The following FHIP1A variants were observed in gnomAD, a reference collection of about 807,000 sequenced individuals.
FHIP1A encodes the protein FHF complex subunit HOOK-interacting protein 1A.
A neutral mutation model predicts 88.6 loss-of-function variants in FHIP1A; 61 were observed. The ratio of observed to expected loss-of-function variants is 0.69; its 90% CI spans 0.56 to 0.85. The LOEUF (loss-of-function observed/expected upper bound fraction) is 0.85, where lower values mean the gene tolerates loss of function less well. Among genes scored for constraint, FHIP1A ranks in the 40% least tolerant of loss-of-function variants. The pLI, the probability that FHIP1A is intolerant of heterozygous loss-of-function variation, is 0.00. For missense variants in FHIP1A, 1,154 were observed against 1,273.5 expected (o/e 0.91, Z 1.43); for synonymous variants, 478 against 496.0 (o/e 0.96, Z 0.48).
At chr4:151,469,852 A>C (rs1026993215) in intron 2 of FHIP1A, among the ~76,000 whole-genome samples, 1 of 152,170 alleles carries the variant, frequency 6.6e-6, no homozygotes, top group Non-Finnish European at 1.5e-5. Flanking sequence ...GGGTCAGGAG[A>C]CGGCAAATCA....
chr4:151,616,238 G>A (rs553329600), intron 7 of FHIP1A, among the ~76,000 whole-genome samples: 1 of 152,136 alleles, frequency 6.6e-6, no homozygotes, highest in Non-Finnish European at 1.5e-5. Flanking sequence ...TCTGAGTTGT[G>A]ACAAGTTGAG....
intron 4 of FHIP1A, among the ~76,000 whole-genome samples, chr4:151,566,679 C>G (rs1259259023): frequency 1.3e-5 from 2 of 151,440 alleles, no homozygotes; most frequent in African/African-American, 4.8e-5. Context: ...ATTATATCCT[C>G]TCTCTCTCTC....
intron 7 of FHIP1A, among the ~76,000 whole-genome samples, chr4:151,615,327 G>T (rs1307304154): frequency 1.3e-5 from 2 of 151,546 alleles, no homozygotes; most frequent in Non-Finnish European, 2.9e-5. Flanking sequence ...CACTTACTGT[G>T]TGCTTCTAGG....
chr4:151,495,867 C>A (rs1176729995), intron 3 of FHIP1A, among the ~76,000 whole-genome samples: 1 of 152,070 alleles, frequency 6.6e-6, no homozygotes, highest in Non-Finnish European at 1.5e-5. Context: ...AGATGATCCT[C>A]CCGCATTGGC....
rs1737647785 is a variant in FHIP1A, at chr4:151,665,913, A to G, written c.*3159A>G. ...GCTGTGCTCCTTGCTGGAAGAATGTAGGGGAAGAGAAACCGTGGGTACCGC... is the reference window on the plus strand; with the variant it reads ...GCTGTGCTCCTTGCTGGAAGAATGTGGGGGAAGAGAAACCGTGGGTACCGC... On this transcript the variant is annotated 3_prime_UTR_variant, in exon 14 of 14. Transcript: ENST00000435205. Among the ~76,000 whole-genome samples, 1 of 152,226 alleles carries G rather than the reference A, an allele frequency of 6.6e-6. No individual in the cohort carries two copies. The highest frequency in any genetic ancestry group is 1.5e-5 in the Non-Finnish European group (1 of 68,036).
intron 7 of FHIP1A, among the ~76,000 whole-genome samples, chr4:151,606,208 G>GT (rs1735068211): frequency 6.6e-6 from 1 of 152,116 alleles, no homozygotes; most frequent in Non-Finnish European, 1.5e-5. Flanking sequence ...TAGGAGAAGG[G>GT]TAGACACAAG....
Position 151,650,292 on chromosome 4 carries a change from C to T in FHIP1A, c.2251C>T (p.Leu751Phe). The T allele has an allele frequency of 1.3e-6, 2 of 1,551,710 alleles. No homozygotes were observed. The highest frequency in any genetic ancestry group is 2.4e-5 in the East Asian group (1 of 40,912). The change falls in exon 11 of 14, where the codon CTC becomes TTC. Residue 751 changes from leucine (L) to phenylalanine (F), a missense_variant. By Grantham distance (22) the Leu-to-Phe change is conservative. Coordinates refer to ENST00000435205, the MANE Select transcript of FHIP1A (RefSeq NM_001109977.3). Reference protein sequence around the residue: ...LTAAHPESEELIAQYDQIIKE... With the variant: ...LTAAHPESEEFIAQYDQIIKE... ...AGCCGCCCACCCGGAGAGCGAGGAG[C>T]TCATTGCCCAGTATGACCAAATCAT... is the stretch of plus-strand genomic sequence containing the variant.
intron 2 of FHIP1A, among the ~76,000 whole-genome samples, chr4:151,466,094 C>A (rs1252166919): frequency 1.3e-5 from 2 of 152,102 alleles, no homozygotes; most frequent in African/African-American, 2.4e-5. Flanking sequence ...ATCGTCTCAG[C>A]CCAAAAACTC....
chr4:151,593,118 C>T (rs1025594048), intron 7 of FHIP1A, among the ~76,000 whole-genome samples: 15 of 152,110 alleles, frequency 9.9e-5, no homozygotes, highest in African/African-American at 3.4e-4. Context: ...TTCCGCTGGT[C>T]TATATATCTG....
intron 2 of FHIP1A, among the ~76,000 whole-genome samples, chr4:151,469,461 A>G (rs1473228598): frequency 2.2e-4 from 33 of 152,266 alleles, no homozygotes; most frequent in Non-Finnish European, 7.4e-5. Flanking sequence ...TATTAGCCCT[A>G]TTTTTACAGG....
intron 7 of FHIP1A, among the ~76,000 whole-genome samples, chr4:151,596,497 G>A (rs1213909410): frequency 6.6e-6 from 1 of 151,958 alleles, no homozygotes; most frequent in African/African-American, 2.4e-5. Flanking sequence ...ACAATTATGT[G>A]TCTTGGGGTT....
chr4:151,531,480 C>A (rs1731875035), intron 3 of FHIP1A, among the ~76,000 whole-genome samples: 1 of 148,934 alleles, frequency 6.7e-6, no homozygotes, highest in Admixed American at 6.8e-5. Flanking sequence ...TGTAGAATCC[C>A]TGTACCGCAT....
At chr4:151,440,718 A>G (rs558802301) in intron 1 of FHIP1A, among the ~76,000 whole-genome samples, 2 of 152,266 alleles carry the variant, frequency 1.3e-5, no homozygotes, top group African/African-American at 4.8e-5. Flanking sequence ...TAACTGGCCA[A>G]CTGCCCAGGA....
In FHIP1A at chr4:151,665,794, A is replaced by T. The variant is rs1016755859; in HGVS notation, c.*3040A>T. ...CTTAGAAATATCTTTTTTTATAATG[A>T]GTTGGGGGGAAAATCTTAAATATGT... On this transcript the variant is annotated 3_prime_UTR_variant, in exon 14 of 14. Transcript: ENST00000435205. Among the ~76,000 whole-genome samples the T allele has an allele frequency of 6.6e-6, 1 of 152,182 alleles. No individual in the cohort carries two copies. The highest frequency in any genetic ancestry group is 2.1e-4 in the South Asian group (1 of 4,824).
rs372644849 is a variant in FHIP1A at position 151,650,270 on chromosome 4, C to T, written c.2229C>T (p.Ala743=). The change falls in exon 11 of 14, where the codon GCC becomes GCT. Residue 743 remains alanine (A), a synonymous_variant. Transcript: ENST00000435205. ...PEAEHSSNLT[A]AHPESEELIA... ...CAGAGCACAGCTCTAACCTGACAGC[C>T]GCCCACCCGGAGAGCGAGGAGCTCA... The T allele has an allele frequency of 3.2e-5, 50 of 1,551,596 alleles. No individual in the cohort carries two copies. Among genetic ancestry groups the T allele is most frequent in the South Asian group, 1.1e-4 (9 of 84,064 alleles).
chr4:151,442,457 T>C (rs1728447823), intron 1 of FHIP1A, among the ~76,000 whole-genome samples: 2 of 152,182 alleles, frequency 1.3e-5, no homozygotes, highest in South Asian at 4.1e-4. Context: ...AAGTCAAGAA[T>C]CATGGTCATT....
chr4:151,430,355 A>G (rs1028243106), intron 1 of FHIP1A, among the ~76,000 whole-genome samples: 1 of 152,256 alleles, frequency 6.6e-6, no homozygotes, highest in East Asian at 1.9e-4. Flanking sequence ...TCTATGCTTA[A>G]GAACAGTCCC....
At chr4:151,490,971 A>G (rs532970742) in intron 3 of FHIP1A, among the ~76,000 whole-genome samples, 1 of 152,084 alleles carries the variant, frequency 6.6e-6, no homozygotes, top group Non-Finnish European at 1.5e-5. Context: ...AAAAATGAAC[A>G]AAGCCTCCAA....
chr4:151,458,639 C>T (rs1729047656), intron 2 of FHIP1A, among the ~76,000 whole-genome samples: 1 of 152,066 alleles, frequency 6.6e-6, no homozygotes, highest in Non-Finnish European at 1.5e-5. Context: ...TGTACCCTGG[C>T]TGTCCTTAAC....
Sources: allele counts gnomAD v4.1 joint callset (sites outside exome capture counted in the v4.1 genomes callset), GRCh38; gene constraint gnomAD v4.1.1; transcripts MANE v1.5; gene names NCBI Gene and HGNC (gene_info 2026-07-23, HGNC 2026-07-21).